TSC22D1: variants seen among roughly 807,000 people sequenced by gnomAD.
TSC22D1 encodes the protein TSC22 domain family member 1, also known as TSC22 domain family protein 1.
TSC22D1 carries 9 observed loss-of-function variants against 74.2 expected under a neutral mutation model. The observed-to-expected ratio is 0.12, with a 90% CI of 0.07 to 0.21. The LOEUF (loss-of-function observed/expected upper bound fraction) is 0.21. Among genes scored for constraint, TSC22D1 ranks in the 10% least tolerant of loss-of-function variants. The pLI is 1.00. For missense variants in TSC22D1, 1,427 were observed against 1,304.7 expected, an observed-to-expected ratio of 1.09 and a Z score of -1.44; for synonymous variants, 586 against 492.5, an observed-to-expected ratio of 1.19 and a Z score of -2.51.
intron 1 of TSC22D1, among the ~76,000 whole-genome samples, chr13:44,464,056 A>AT (rs1197494064): frequency 6.6e-6 from 1 of 152,154 alleles, no homozygotes; most frequent in Non-Finnish European, 1.5e-5. Context: ...TCTTGACCTC[A>AT]TGAGAGACCC....
At chr13:44,486,789 A>G (rs901173162) in intron 1 of TSC22D1, among the ~76,000 whole-genome samples, 3 of 152,226 alleles carry the variant, frequency 2.0e-5, no homozygotes, top group African/African-American at 7.2e-5. Flanking sequence ...CACTAACAAA[A>G]TGACAAAGCA....
intron 1 of TSC22D1, among the ~76,000 whole-genome samples, chr13:44,438,635 A>G (rs1194963394): frequency 1.3e-5 from 2 of 151,962 alleles, no homozygotes; most frequent in East Asian, 1.9e-4. Context: ...TTGAATAACA[A>G]TAATTGTTAA....
Position 44,461,230 on chromosome 13 carries a change from C to T in TSC22D1, c.2913-25135G>A, listed in dbSNP as rs373506619. Among the ~76,000 whole-genome samples the T allele has an allele frequency of 6.6e-5, 10 of 152,256 alleles. No individual in the cohort carries two copies. In the South Asian group the frequency reaches 2.1e-3, roughly 32 times the overall value. On this transcript the variant is annotated intron_variant, in intron 1 of 2. Transcript: ENST00000458659. ...ACTATGCAAAATTAATTTGTTCACT[C>T]TCATACTGCTAGTAAGTATAATAGC...
At chr13:44,520,755 G>A (rs1274245800) in intron 1 of TSC22D1, among the ~76,000 whole-genome samples, 15 of 152,114 alleles carry the variant, frequency 9.9e-5, no homozygotes, top group Admixed American at 9.8e-4. Flanking sequence ...CCCATCTGAT[G>A]GTTTCTAATT....
chr13:44,574,104 T>C lies in TSC22D1; in HGVS notation c.1971A>G (p.Val657=), dbSNP rs1566185921. The stretch of plus-strand genomic sequence containing the variant: ...CTGTTTGAAGAATTGGCTGCTGTTG[T>C]ACATACTCTGAAGCAGGATTTTGAG... ...SVTQNPASEY[V]QQQPILQTAM... Residue 657 remains valine, a synonymous_variant, in exon 1 of 3, where the codon GTA becomes GTG. Coordinates refer to ENST00000458659, the MANE Select transcript of TSC22D1 (RefSeq NM_183422.4). The C allele has an allele frequency of 1.2e-6, 2 of 1,614,130 alleles. No homozygotes were observed. The highest frequency in any genetic ancestry group is 1.7e-6 in the Non-Finnish European group (2 of 1,180,040).
At chr13:44,470,425 G>A (rs939808150) in intron 1 of TSC22D1, among the ~76,000 whole-genome samples, 6 of 152,228 alleles carry the variant, frequency 3.9e-5, no homozygotes, top group African/African-American at 1.2e-4. Flanking sequence ...ATAGATTCGC[G>A]TCTGGCCACA....
intron 1 of TSC22D1, among the ~76,000 whole-genome samples, chr13:44,531,887 A>G (rs1276296546): frequency 6.6e-6 from 1 of 152,228 alleles, no homozygotes; most frequent in Non-Finnish European, 1.5e-5. Flanking sequence ...AACTTTCAGG[A>G]CTACTTCTTC....
At chr13:44,544,759 AT>A (rs1427048147) in intron 1 of TSC22D1, among the ~76,000 whole-genome samples, 8 of 152,180 alleles carry the variant, frequency 5.3e-5, no homozygotes, top group Admixed American at 2.0e-4. Context: ...AAAATATACC[AT>A]CTGAAAATGT....
In TSC22D1 at chr13:44,574,046, C is replaced by G; in HGVS notation, c.2029G>C (p.Val677Leu). Residue 677 changes from valine (V) to leucine (L), a missense_variant, in exon 1 of 3, where the codon GTA becomes CTA. This residue lies in a region of TSC22D1 where 1,343 missense variants were observed against 1,191.5 expected (regional missense o/e 1.13). Coordinates refer to ENST00000458659, the MANE Select transcript of TSC22D1 (RefSeq NM_183422.4). ...GGAATCACTGTTGTTCCTGCTCCTA[C>G]TCCTGCAGAACTGGGCTGTCCGGAG... ...MSSGQPSSAG[V>L]GAGTTVIPVA... 1.9e-6 allele frequency: 3 copies of G among 1,614,200 alleles called. No individual in the cohort carries two copies. Among genetic ancestry groups the G allele is most frequent in the Non-Finnish European group, 2.5e-6 (3 of 1,180,054 alleles).
In TSC22D1 at chr13:44,574,249, T is replaced by C; in HGVS notation, c.1826A>G (p.Gln609Arg). The C allele has an allele frequency of 2.5e-6, 4 of 1,614,218 alleles. No homozygotes were observed. Among genetic ancestry groups the C allele is most frequent in the Non-Finnish European group, 2.5e-6 (3 of 1,180,032 alleles). Residue 609 changes from glutamine (Q) to arginine (R), a missense_variant, in exon 1 of 3, where the codon CAG (glutamine) becomes CGG (arginine). Around this residue, in one of 3 missense-constraint regions of TSC22D1, gnomAD observed 1,343 missense variants for 1,191.5 expected, o/e 1.13. Transcript: ENST00000458659. ...SLAQPQLPYS[Q>R]AAPPVQTPLP... Reference sequence around the variant, plus strand: ...GGGAGTTTGCACTGGAGGAGCCGCCTGAGAATATGGTAGCTGGGGTTGAGC... The same window carrying C: ...GGGAGTTTGCACTGGAGGAGCCGCCCGAGAATATGGTAGCTGGGGTTGAGC...
intron 1 of TSC22D1, among the ~76,000 whole-genome samples, chr13:44,451,802 G>A (rs1452334200): frequency 2.6e-5 from 4 of 152,228 alleles, no homozygotes; most frequent in African/African-American, 9.6e-5. Flanking sequence ...GTGAGCTATA[G>A]GGGGCACAGC....
chr13:44,438,659 T>C (rs1003216149), intron 1 of TSC22D1, among the ~76,000 whole-genome samples: 15 of 152,120 alleles, frequency 9.9e-5, no homozygotes, highest in African/African-American at 2.9e-4. Flanking sequence ...ATTTATAATT[T>C]ATAAAAATTA....
intron 1 of TSC22D1, among the ~76,000 whole-genome samples, chr13:44,540,749 TAAGAG>T (rs1253283498): frequency 6.6e-6 from 1 of 152,074 alleles, no homozygotes; most frequent in East Asian, 1.9e-4. Context: ...TAGGAATAAA[TAAGAG>T]AAGGAAGTTC....
intron 1 of TSC22D1, among the ~76,000 whole-genome samples, chr13:44,458,342 C>T (rs999303472): frequency 2.0e-5 from 3 of 152,240 alleles, no homozygotes; most frequent in South Asian, 2.1e-4. Context: ...ATTTTGAGCA[C>T]TGGAGTTAGA....
intron 1 of TSC22D1, among the ~76,000 whole-genome samples, chr13:44,452,032 A>G (rs527423604): frequency 6.6e-6 from 1 of 152,326 alleles, no homozygotes; most frequent in East Asian, 1.9e-4. Flanking sequence ...GATGGAAACA[A>G]TCCAGGTCCT....
At chr13:44,507,481 A>G (rs907004205) in intron 1 of TSC22D1, among the ~76,000 whole-genome samples, 7 of 151,176 alleles carry the variant, frequency 4.6e-5, no homozygotes, top group African/African-American at 1.5e-4. Context: ...TTTTTTTTTT[A>G]ATGTGCAAAG....
At chr13:44,568,336 T>C (rs1049649929) in intron 1 of TSC22D1, among the ~76,000 whole-genome samples, 3 of 152,082 alleles carry the variant, frequency 2.0e-5, no homozygotes, top group Admixed American at 2.0e-4. Context: ...TTGTTAACAA[T>C]ATCTGATATT....
At chr13:44,442,931 A>AAG (rs71070904) in intron 1 of TSC22D1, among the ~76,000 whole-genome samples, 3 of 149,716 alleles carry the variant, frequency 2.0e-5, no homozygotes, top group Non-Finnish European at 4.4e-5. Flanking sequence ...AAAAAAAAAA[A>AAG]GAATGAAAAA....
chr13:44,576,040 G>A lies in TSC22D1; in HGVS notation c.35C>T (p.Ala12Val). ...CCTAGCGCTAATGTCTGCAGCGGCG[G>A]CGGCCGCGGCGGTGGACTCAGGCGG... ...HQPPESTAAAAAAADISARKM... is the reference protein window; with the variant it reads ...HQPPESTAAAVAAADISARKM... Residue 12 changes from alanine (A) to valine (V), a missense_variant, in exon 1 of 3, where the codon GCC becomes GTC. Ala to Val is a moderately conservative substitution (Grantham distance 64). Transcript: ENST00000458659. 1 of 1,572,480 alleles carries A rather than the reference G, an allele frequency of 6.4e-7. No homozygotes were observed. The highest frequency in any genetic ancestry group is 2.3e-5 in the East Asian group (1 of 43,114).
Sources: gnomAD v4.1 joint callset for allele counts (sites outside exome capture counted in the v4.1 genomes callset) on GRCh38, gnomAD v4.1.1 for gene constraint, gnomAD v4.1.1 regional missense constraint, MANE v1.5 for transcripts, NCBI Gene and HGNC (gene_info 2026-07-23, HGNC 2026-07-21) for gene names.